Variants in MTREX observed in about 807,000 individuals in gnomAD.
MTREX encodes the protein Mtr4 exosome RNA helicase.
Under a neutral mutation model 135.4 loss-of-function variants are expected in MTREX, and 76 were observed. The observed-to-expected ratio is 0.56, with a 90% CI of 0.47 to 0.68. MTREX has a LOEUF of 0.68. MTREX is among the 30% of genes least tolerant of loss of function. The pLI, the probability that MTREX is intolerant of heterozygous loss-of-function variation, is 0.00. For missense variants in MTREX, 920 were observed against 1,262.1 expected (o/e 0.73, Z 4.11); for synonymous variants, 404 against 401.6 (o/e 1.01, Z -0.07).
At chr5:55,374,285 T>TATATATATATATATATAA (rs1440361807) in intron 16 of MTREX, among the ~76,000 whole-genome samples, 1 of 144,578 alleles carries the variant, frequency 6.9e-6, no homozygotes, top group African/African-American at 2.6e-5. Context: ...TATATATATA[T>TATATATATATATATATAA]AAACAATTTT....
At chr5:55,388,713 C>G (rs6895799) in intron 19 of MTREX, among the ~76,000 whole-genome samples, 19,647 of 152,100 alleles carry the variant, frequency 0.13, 1,512 homozygotes, top group East Asian at 0.26. Context: ...TTTCTACTTA[C>G]AACTAGTTTA....
chr5:55,308,302 A>G (rs1749005966), intron 1 of MTREX, among the ~76,000 whole-genome samples, 155 bp downstream of exon 1: 2 of 151,676 alleles, frequency 1.3e-5, no homozygotes, highest in Non-Finnish European at 2.9e-5. Flanking sequence ...GGGTGGAAGA[A>G]TGTTGGTTCG....
At chr5:55,360,296 G>A (rs1254459275) in intron 15 of MTREX, among the ~76,000 whole-genome samples, 2 of 151,808 alleles carry the variant, frequency 1.3e-5, no homozygotes, top group African/African-American at 4.8e-5. Flanking sequence ...CCTTTTCATT[G>A]CTGAATAATA....
At chr5:55,332,615 A>G (rs893775425) in intron 5 of MTREX, among the ~76,000 whole-genome samples, 70 of 152,320 alleles carry the variant, frequency 4.6e-4, no homozygotes, top group African/African-American at 1.5e-3. Context: ...GAGTCATCCC[A>G]TGGCAAGAAA....
intron 1 of MTREX, among the ~76,000 whole-genome samples, chr5:55,317,716 G>A (rs974123246): frequency 6.6e-6 from 1 of 152,076 alleles, no homozygotes; most frequent in South Asian, 2.1e-4. Context: ...CCTAGGAATG[G>A]GCAAAGATTT....
chr5:55,318,283 G>T (rs1247127096), intron 1 of MTREX, among the ~76,000 whole-genome samples: 1 of 152,092 alleles, frequency 6.6e-6, no homozygotes, highest in Non-Finnish European at 1.5e-5. Flanking sequence ...ATACCCACAG[G>T]AATATAAAGC....
intron 23 of MTREX, among the ~76,000 whole-genome samples, chr5:55,413,740 C>T (rs763096849): frequency 1.3e-5 from 2 of 152,120 alleles, no homozygotes; most frequent in South Asian, 2.1e-4. Flanking sequence ...CTATTTTTAA[C>T]GTACTTTATC....
At chr5:55,409,583 AAAG>A (rs1750855661) in intron 22 of MTREX, among the ~76,000 whole-genome samples, 1 of 152,202 alleles carries the variant, frequency 6.6e-6, no homozygotes, top group Admixed American at 6.5e-5. Flanking sequence ...ATTATGGAGC[AAAG>A]AAGATGACCT....
At chr5:55,412,677 CTG>C (rs1283944625) in intron 23 of MTREX, among the ~76,000 whole-genome samples, 2 of 152,202 alleles carry the variant, frequency 1.3e-5, no homozygotes, top group African/African-American at 4.8e-5. Flanking sequence ...AGGGAACAAA[CTG>C]TACATACCTG....
At chr5:55,311,316 C>T (rs1323267134) in intron 1 of MTREX, among the ~76,000 whole-genome samples, 1 of 151,994 alleles carries the variant, frequency 6.6e-6, no homozygotes, top group Non-Finnish European at 1.5e-5. Flanking sequence ...TCGTTAAATA[C>T]TGAATCTGCA....
At chr5:55,422,788 T>C in intron 25 of MTREX, 90 bp from the exon 26 acceptor site, 2 of 881,864 alleles carry the variant, frequency 2.3e-6, no homozygotes, top group South Asian at 1.7e-5. Flanking sequence ...CTATTAATTA[T>C]CGTGTGTTCT....
intron 2 of MTREX, among the ~76,000 whole-genome samples, chr5:55,323,392 G>T (rs928414696): frequency 1.3e-5 from 2 of 151,980 alleles, no homozygotes; most frequent in Non-Finnish European, 2.9e-5. Context: ...AGAGGACCTA[G>T]ATAGCATAAT....
chr5:55,347,685 T>C (rs1749760838), intron 11 of MTREX, among the ~76,000 whole-genome samples: 1 of 152,248 alleles, frequency 6.6e-6, no homozygotes, highest in South Asian at 2.1e-4. Flanking sequence ...ACAACCTGGC[T>C]GTCTTAGTCC....
chr5:55,393,391 A>G (rs867022743), intron 19 of MTREX, among the ~76,000 whole-genome samples: 3 of 152,238 alleles, frequency 2.0e-5, no homozygotes, highest in African/African-American at 4.8e-5. Flanking sequence ...AAATTAATCA[A>G]TAGCACATTG....
intron 3 of MTREX, among the ~76,000 whole-genome samples, chr5:55,325,549 C>T (rs1749365471): frequency 6.6e-6 from 1 of 150,798 alleles, no homozygotes; most frequent in Non-Finnish European, 1.5e-5. Flanking sequence ...TGGGTTTCAC[C>T]ATGTTGGTCA....
intron 20 of MTREX, 112 bp downstream of exon 20, chr5:55,397,638 A>G: frequency 1.8e-6 from 1 of 552,222 alleles, no homozygotes; most frequent in South Asian, 3.5e-5. Flanking sequence ...GAATACCTAT[A>G]AATACTACCA....
chr5:55,344,661 CTTT>C, intron 9 of MTREX, 41 bp downstream of exon 9: 1 of 1,140,208 alleles, frequency 8.8e-7, no homozygotes, highest in Non-Finnish European at 1.3e-6. Flanking sequence ...TAATGTCATA[CTTT>C]ATTATTAATA....
At chr5:55,315,823 TG>T (rs1269407458) in intron 1 of MTREX, among the ~76,000 whole-genome samples, 1 of 143,394 alleles carries the variant, frequency 7.0e-6, no homozygotes, top group Non-Finnish European at 1.5e-5. Flanking sequence ...GTAGGGAGGC[TG>T]GGGCCACCCT....
At chr5:55,403,263 A>G (rs1750752942) in intron 21 of MTREX, among the ~76,000 whole-genome samples, 1 of 151,966 alleles carries the variant, frequency 6.6e-6, no homozygotes, top group African/African-American at 2.4e-5. Context: ...TTTTTTCCCA[A>G]TATTTTTGAT....
Sources: allele counts gnomAD v4.1 joint callset (sites outside exome capture counted in the v4.1 genomes callset), GRCh38; gene constraint gnomAD v4.1.1; transcripts MANE v1.5; gene names NCBI Gene and HGNC (gene_info 2026-07-23, HGNC 2026-07-21).